Variants in DHX36 observed in about 807,000 individuals in gnomAD.
The protein encoded by DHX36 is ATP-dependent DNA/RNA helicase DHX36.
In DHX36, 50 loss-of-function variants were observed where a neutral mutation model predicts 139.0. That is an observed-to-expected ratio of 0.36 (90% confidence interval 0.29 to 0.46). The LOEUF (loss-of-function observed/expected upper bound fraction) is 0.46. DHX36 is among the 20% of genes least tolerant of loss of function. The pLI, the probability that DHX36 is intolerant of heterozygous loss-of-function variation, is 1.00. For synonymous variants in DHX36, 425 were observed against 401.9 expected (o/e 1.06, Z -0.69); for missense variants, 1,024 against 1,211.3 (o/e 0.85, Z 2.29).
At chr3:154,280,928 C>T in intron 20 of DHX36, 66 bp from the exon 21 acceptor site, 1 of 1,162,548 alleles carries the variant, frequency 8.6e-7, no homozygotes, top group Non-Finnish European at 1.3e-6. Flanking sequence ...AAACCATACA[C>T]TAATAGATAA....
chr3:154,278,316 A>G (rs919159731), intron 22 of DHX36, among the ~76,000 whole-genome samples: 1 of 151,936 alleles, frequency 6.6e-6, no homozygotes, highest in African/African-American at 2.4e-5. Context: ...AGTCATACAC[A>G]TTTTATCTCA....
intron 1 of DHX36, among the ~76,000 whole-genome samples, chr3:154,319,572 C>T (rs1042235243): frequency 3.3e-5 from 5 of 152,184 alleles, no homozygotes; most frequent in Middle Eastern, 3.2e-3. Context: ...AACCCCTCAA[C>T]CTGAGCTCTG....
intron 1 of DHX36, among the ~76,000 whole-genome samples, chr3:154,317,467 C>A (rs1713030130): frequency 6.6e-6 from 1 of 151,930 alleles, no homozygotes; most frequent in South Asian, 2.1e-4. Flanking sequence ...AAGATGAGGA[C>A]AGACGGATGA....
chr3:154,281,046 A>C (rs1004191602), intron 20 of DHX36, among the ~76,000 whole-genome samples, 184 bp from the exon 21 acceptor site: 3 of 152,184 alleles, frequency 2.0e-5, no homozygotes, highest in Admixed American at 6.5e-5. Context: ...ATTTTATTGG[A>C]ACACAGCCAC....
chr3:154,303,771 T>A (rs557148572), intron 8 of DHX36, among the ~76,000 whole-genome samples: 11 of 152,240 alleles, frequency 7.2e-5, no homozygotes, highest in African/African-American at 2.7e-4. Context: ...ATCAAAGTTT[T>A]ACTGAATTCT....
chr3:154,275,977 G>GGT lies in DHX36; in HGVS notation c.*192_*193dup, dbSNP rs1406135718. ...TGATCAGAGAACATATTGCTTTTAT[G>GGT]GTATATATATATATATATATATATC... On this transcript the variant is annotated 3_prime_UTR_variant, in exon 25 of 25. Coordinates refer to ENST00000496811, the MANE Select transcript of DHX36 (RefSeq NM_020865.3). 1.7e-4 allele frequency: 53 copies of GGT among 314,002 alleles called. No homozygotes were observed. The Admixed American group carries it at 2.8e-3, about 16-fold the overall frequency. 19.5% of individuals were successfully genotyped at this position (314,002 alleles called of 1,614,324 possible). A position where few individuals can be genotyped will look rare whatever the true frequency, so the allele number is the denominator to read the frequency against.
At chr3:154,287,287 A>C (rs2108339025) in intron 17 of DHX36, among the ~76,000 whole-genome samples, 1 of 152,338 alleles carries the variant, frequency 6.6e-6, no homozygotes, top group African/African-American at 2.4e-5. Flanking sequence ...ATGTATCTTT[A>C]TGACCTCAGG....
chr3:154,286,163 C>T (rs929161967), intron 17 of DHX36, among the ~76,000 whole-genome samples: 4 of 44,882 alleles, frequency 8.9e-5, no homozygotes, highest in Non-Finnish European at 1.8e-4. Flanking sequence ...AGCTTCCACA[C>T]ACCAAAAAAA....
intron 13 of DHX36, among the ~76,000 whole-genome samples, chr3:154,294,142 A>C (rs1559950484): frequency 2.0e-5 from 3 of 152,220 alleles, no homozygotes; most frequent in Non-Finnish European, 4.4e-5. Context: ...TATTTCTGTT[A>C]GGACAAGAAT....
chr3:154,298,837 C>G (rs1007687138), intron 12 of DHX36, among the ~76,000 whole-genome samples: 1 of 152,162 alleles, frequency 6.6e-6, no homozygotes, highest in African/African-American at 2.4e-5. Flanking sequence ...TCTCATGAAC[C>G]TGGAAGGTAG....
intron 1 of DHX36, among the ~76,000 whole-genome samples, chr3:154,322,996 A>G (rs1483544330): frequency 6.6e-6 from 1 of 152,222 alleles, no homozygotes; most frequent in Non-Finnish European, 1.5e-5. Context: ...ACCTGAATGA[A>G]CATGACATGG....
intron 17 of DHX36, among the ~76,000 whole-genome samples, chr3:154,285,947 C>T (rs985825879): frequency 6.6e-6 from 1 of 151,142 alleles, no homozygotes; most frequent in Admixed American, 6.6e-5. Flanking sequence ...ATGAAAATCA[C>T]AAAACAAAAT....
At chr3:154,315,002 G>C (rs1457329896) in intron 3 of DHX36, 44 bp downstream of exon 3, 2 of 1,378,432 alleles carry the variant, frequency 1.5e-6, no homozygotes, top group Non-Finnish European at 2.0e-6. Flanking sequence ...TTTATAAAGT[G>C]TAAGAAAAAA....
chr3:154,304,747 A>ATTTT, intron 8 of DHX36, 59 bp downstream of exon 8: 1 of 1,322,938 alleles, frequency 7.6e-7, no homozygotes, highest in Non-Finnish European at 1.0e-6. Flanking sequence ...TACCATATTA[A>ATTTT]TTTTTTTAAT....
In DHX36 at chr3:154,274,512, C is replaced by T. The variant is rs1719091655; in HGVS notation, c.*1659G>A. 6.6e-6 allele frequency: 1 copy of T among 152,314 alleles called. No homozygotes were observed. The allele number at this position is 152,314 out of a possible 1,614,324, so 9.4% of individuals were successfully genotyped here. A position where few individuals can be genotyped will look rare whatever the true frequency, so the allele number is the denominator to read the frequency against. ...TTCTATCTTTCCACTGAGCTAACCTCAGTCTGAGTCCGTGTCTCCTTGTGA... is the reference window on the plus strand; with the variant it reads ...TTCTATCTTTCCACTGAGCTAACCTTAGTCTGAGTCCGTGTCTCCTTGTGA... On this transcript the variant is annotated 3_prime_UTR_variant, in exon 25 of 25. Coordinates refer to ENST00000496811, the MANE Select transcript of DHX36 (RefSeq NM_020865.3).
At chr3:154,311,528 C>T in intron 4 of DHX36, 108 bp downstream of exon 4, 1 of 868,230 alleles carries the variant, frequency 1.2e-6, no homozygotes, top group Non-Finnish European at 1.8e-6. Context: ...CAATACTATC[C>T]TGTAAAAGAA....
At chr3:154,317,842 T>G (rs1191276899) in intron 1 of DHX36, among the ~76,000 whole-genome samples, 5 of 152,060 alleles carry the variant, frequency 3.3e-5, no homozygotes, top group Non-Finnish European at 7.4e-5. Flanking sequence ...TGTTTATTTT[T>G]TATAGCAATC....
rs1395470000 is a variant in DHX36 at position 154,275,665 on chromosome 3, G to A, written c.*506C>T. 6.6e-6 allele frequency: 1 copy of A among 152,568 alleles called. No individual in the cohort carries two copies. The highest frequency in any genetic ancestry group is 2.4e-5 in the African/African-American group (1 of 41,414). The allele number at this position is 152,568 out of a possible 1,614,324, so 9.5% of individuals were successfully genotyped here. Reference sequence around the variant, plus strand: ...AATGTAGAAACCAATCCAAGAGGTTGGCTGAGATTTAACATTGTACATTTT... The same window carrying A: ...AATGTAGAAACCAATCCAAGAGGTTAGCTGAGATTTAACATTGTACATTTT... On this transcript the variant is annotated 3_prime_UTR_variant, in exon 25 of 25. Coordinates refer to ENST00000496811, the MANE Select transcript of DHX36 (RefSeq NM_020865.3).
chr3:154,319,671 T>G (rs372591690), intron 1 of DHX36, among the ~76,000 whole-genome samples: 1 of 152,152 alleles, frequency 6.6e-6, no homozygotes, highest in Non-Finnish European at 1.5e-5. Context: ...CAGTAGACAT[T>G]AGGCAGTCAA....
Sources: allele counts gnomAD v4.1 joint callset (sites outside exome capture counted in the v4.1 genomes callset), GRCh38; gene constraint gnomAD v4.1.1; transcripts MANE v1.5; gene names NCBI Gene and HGNC (gene_info 2026-07-23, HGNC 2026-07-21).